The following MSH3 variants were observed in gnomAD, a reference collection of about 807,000 sequenced individuals.
MSH3 encodes DNA mismatch repair protein Msh3.
In MSH3, 106 loss-of-function variants were observed where a neutral mutation model predicts 123.3. The ratio of observed to expected loss-of-function variants is 0.86; its 90% CI spans 0.73 to 1.01. The LOEUF (loss-of-function observed/expected upper bound fraction) is 1.01, where lower values mean the gene tolerates loss of function less well. Ranked by LOEUF, MSH3 falls within the 50% of genes least tolerant of loss-of-function variation. MSH3 has a pLI of 0.00. For missense variants in MSH3, 1,459 were observed against 1,347.6 expected (o/e 1.08, Z -1.29); for synonymous variants, 515 against 481.4 (o/e 1.07, Z -0.91).
rs1561444685 is a variant in MSH3, at chr5:80,692,222, T to TTAGATAGATAAACATGTATATGTTTAGA, written c.1340+13154_1340+13181dup. On this transcript the variant is annotated intron_variant, in intron 8 of 23. Transcript: ENST00000265081. The stretch of plus-strand genomic sequence containing the variant: ...TTTAGATAGATAAACATGTATATGT[T>TTAGATAGATAAACATGTATATGTTTAGA]TAGATAGATAAACATGTATATGTTT... Among the ~76,000 whole-genome samples the TTAGATAGATAAACATGTATATGTTTAGA allele has an allele frequency of 1.2e-4, 6 of 50,052 alleles. 1 individual carries two copies. The highest frequency in any genetic ancestry group is 7.7e-5 in the Non-Finnish European group (2 of 26,034). 32.8% of individuals were successfully genotyped at this position (50,052 alleles called of 152,430 possible).
At chr5:80,859,957 C>T (rs562518579) in intron 21 of MSH3, among the ~76,000 whole-genome samples, 17 of 152,112 alleles carry the variant, frequency 1.1e-4, no homozygotes, top group South Asian at 1.0e-3. Context: ...TTGCAATATA[C>T]GTTTGCAACT....
At chr5:80,729,200 G>T (rs1346328542) in intron 10 of MSH3, among the ~76,000 whole-genome samples, 1 of 151,960 alleles carries the variant, frequency 6.6e-6, no homozygotes, top group Non-Finnish European at 1.5e-5. Flanking sequence ...CAGATCATGA[G>T]GTCAGGAGAT....
intron 19 of MSH3, among the ~76,000 whole-genome samples, chr5:80,798,852 C>T (rs150164991): frequency 3.4e-4 from 52 of 152,288 alleles, no homozygotes; most frequent in Admixed American, 1.6e-3. Flanking sequence ...ATTGGACTCA[C>T]ACTGTTCCTG....
intron 10 of MSH3, among the ~76,000 whole-genome samples, chr5:80,733,034 C>T (rs978742836): frequency 6.6e-6 from 1 of 152,072 alleles, no homozygotes; most frequent in African/African-American, 2.4e-5. Context: ...TCCTAAAATT[C>T]ATAGGATTCA....
chr5:80,762,825 G>T (rs860736), intron 13 of MSH3, among the ~76,000 whole-genome samples: 46,605 of 140,110 alleles, frequency 0.33, 7,845 homozygotes, highest in Middle Eastern at 0.36. Context: ...GTTATGTTAT[G>T]TTATGTTATT....
intron 20 of MSH3, among the ~76,000 whole-genome samples, chr5:80,823,483 A>G (rs955647332): frequency 2.0e-5 from 3 of 152,336 alleles, no homozygotes; most frequent in Admixed American, 2.0e-4. Flanking sequence ...AGTTTTTCCC[A>G]GACTATAAGT....
chr5:80,707,442 G>T (rs1054518458), intron 8 of MSH3, among the ~76,000 whole-genome samples: 1 of 152,164 alleles, frequency 6.6e-6, no homozygotes, highest in Non-Finnish European at 1.5e-5. Flanking sequence ...AAACAGCCAG[G>T]CCAGGCACAG....
chr5:80,729,460 G>GTGTATATA (rs1277559108), intron 10 of MSH3, among the ~76,000 whole-genome samples: 5 of 95,032 alleles, frequency 5.3e-5, no homozygotes, highest in African/African-American at 2.1e-4. Context: ...GTGTGTGTGT[G>GTGTATATA]TATATATATA....
chr5:80,691,301 C>T (rs371258189), intron 8 of MSH3, among the ~76,000 whole-genome samples: 1 of 151,200 alleles, frequency 6.6e-6, no homozygotes, highest in Non-Finnish European at 1.5e-5. Context: ...ACAGCAGCAA[C>T]AAATAGAAAA....
chr5:80,663,729 C>T (rs1274584166), intron 2 of MSH3, among the ~76,000 whole-genome samples: 1 of 152,008 alleles, frequency 6.6e-6, no homozygotes, highest in African/African-American at 2.4e-5. Context: ...CACAGGAGAT[C>T]TAATGAAAGC....
intron 1 of MSH3, chr5:80,655,461 T>C (rs1650696): frequency 2.6e-4 from 55 of 212,512 alleles, no homozygotes; most frequent in Non-Finnish European, 9.5e-5. Context: ...CCCAGTGAAC[T>C]CTTTTTGTAG....
At chr5:80,691,061 C>G (rs899040481) in intron 8 of MSH3, among the ~76,000 whole-genome samples, 2 of 151,754 alleles carry the variant, frequency 1.3e-5, no homozygotes, top group African/African-American at 2.4e-5. Context: ...TATATACATT[C>G]TTATTACCTG....
intron 9 of MSH3, among the ~76,000 whole-genome samples, chr5:80,725,837 G>A (rs950588493): frequency 5.5e-4 from 83 of 152,124 alleles, no homozygotes; most frequent in East Asian, 1.9e-4. Context: ...GCAACAAAGC[G>A]AGATCCTGTC....
intron 8 of MSH3, among the ~76,000 whole-genome samples, chr5:80,685,566 A>G (rs911460602): frequency 4.0e-5 from 6 of 151,734 alleles, no homozygotes; most frequent in African/African-American, 1.5e-4. Flanking sequence ...CTTTTTTCAC[A>G]GTCTGGGAAA....
chr5:80,716,266 A>G (rs1476781202), intron 8 of MSH3, among the ~76,000 whole-genome samples: 1 of 152,156 alleles, frequency 6.6e-6, no homozygotes, highest in African/African-American at 2.4e-5. Context: ...TTATTTCTTT[A>G]TTAGATAGAA....
rs373225650 is a variant in MSH3, at chr5:80,672,411, G to C, written c.909+51G>C. ...GAAAGGAAATTGGGATTCTCCTCCA[G>C]AGAGTGCAAACGTGTTTTGTAAGGT... On this transcript the variant is annotated intron_variant, in intron 5 of 23. Transcript: ENST00000265081. 9.6e-6 allele frequency: 13 copies of C among 1,354,884 alleles called. No individual in the cohort carries two copies. In the East Asian group the frequency reaches 3.0e-4, roughly 31 times the overall value. The allele number at this position is 1,354,884 out of a possible 1,614,324, so 83.9% of individuals were successfully genotyped here.
chr5:80,820,954 G>A (rs1035730751), intron 20 of MSH3, among the ~76,000 whole-genome samples: 2 of 152,158 alleles, frequency 1.3e-5, no homozygotes, highest in African/African-American at 4.8e-5. Flanking sequence ...CCTAAAGTGG[G>A]AAGTCTCAGG....
chr5:80,751,051 A>G (rs566801571), intron 12 of MSH3, among the ~76,000 whole-genome samples: 17 of 152,268 alleles, frequency 1.1e-4, no homozygotes, highest in African/African-American at 3.6e-4. Context: ...GGGCTCTTAC[A>G]TTATCTGTAC....
At chr5:80,697,190 A>G (rs1750501970) in intron 8 of MSH3, among the ~76,000 whole-genome samples, 1 of 152,206 alleles carries the variant, frequency 6.6e-6, no homozygotes, top group African/African-American at 2.4e-5. Flanking sequence ...AATTAAAAGT[A>G]TTTGAAGGAA....
Sources: gnomAD v4.1 joint callset for allele counts (sites outside exome capture counted in the v4.1 genomes callset) on GRCh38, gnomAD v4.1.1 for gene constraint, MANE v1.5 for transcripts, NCBI Gene and HGNC (gene_info 2026-07-23, HGNC 2026-07-21) for gene names.